SOBP: variants seen among roughly 807,000 people sequenced by gnomAD.
SOBP encodes sine oculis binding protein homolog, also known as sine oculis-binding protein homolog.
Under a neutral mutation model 53.6 loss-of-function variants are expected in SOBP, and 4 were observed. The ratio of observed to expected loss-of-function variants is 0.07; its 90% CI spans 0.04 to 0.17. The LOEUF is 0.17. Ranked by LOEUF, SOBP falls within the 10% of genes least tolerant of loss-of-function variation. The pLI, the probability that SOBP is intolerant of heterozygous loss-of-function variation, is 1.00. For missense variants in SOBP, 1,088 were observed against 1,204.7 expected (o/e 0.90, Z 1.43); for synonymous variants, 584 against 522.6 (o/e 1.12, Z -1.60).
At chr6:107,644,231 G>A (rs2115168132) in intron 6 of SOBP, among the ~76,000 whole-genome samples, 1 of 151,770 alleles carries the variant, frequency 6.6e-6, no homozygotes, top group Non-Finnish European at 1.5e-5. Context: ...TTGAACCTGA[G>A]AGACAGAGGT....
At chr6:107,555,949 A>G (rs1379196957) in intron 4 of SOBP, among the ~76,000 whole-genome samples, 1 of 152,236 alleles carries the variant, frequency 6.6e-6, no homozygotes, top group Non-Finnish European at 1.5e-5. Context: ...CAAATTTACA[A>G]AACATCAGAC....
At position 107,490,682 on chromosome 6, in the gene SOBP, A is replaced by T. The variant is rs535660723; in HGVS notation, c.66A>T (p.Pro22=). 15 of 1,607,844 alleles carry T rather than the reference A, an allele frequency of 9.3e-6. No homozygotes were observed. In the South Asian group the frequency reaches 1.6e-4, roughly 17 times the overall value. ...AACGGAGCAGGAAGCCGGCTCACCC[A>T]GTGAAAAGGGAGATCAATGAGGAGA... ...ENKRSRKPAH[P]VKREINEEMK... is the part of the protein sequence containing the mutation. Residue 22 remains proline, a synonymous_variant, in exon 1 of 7, where the codon CCA becomes CCT. Transcript: ENST00000317357.
intron 5 of SOBP, among the ~76,000 whole-genome samples, chr6:107,592,885 A>G (rs974704058): frequency 1.3e-5 from 2 of 152,228 alleles, no homozygotes; most frequent in Non-Finnish European, 2.9e-5. Flanking sequence ...CTTTCCAGAA[A>G]TAAAAGTCAC....
chr6:107,602,386 A>C (rs947169485), intron 5 of SOBP, among the ~76,000 whole-genome samples: 8 of 152,150 alleles, frequency 5.3e-5, no homozygotes, highest in Non-Finnish European at 1.0e-4. Context: ...GCTTTATTTG[A>C]ACTCAAATAG....
At chr6:107,497,975 G>T (rs1490642386) in intron 1 of SOBP, among the ~76,000 whole-genome samples, 2 of 152,082 alleles carry the variant, frequency 1.3e-5, no homozygotes, top group Non-Finnish European at 1.5e-5. Context: ...TAGCATGAGG[G>T]TGCTTACTAA....
intron 5 of SOBP, among the ~76,000 whole-genome samples, chr6:107,626,865 C>T (rs1770483233): frequency 6.6e-6 from 1 of 152,144 alleles, no homozygotes; most frequent in Non-Finnish European, 1.5e-5. Flanking sequence ...CAGCTGAGCA[C>T]TGAGGCTCAG....
At chr6:107,595,107 T>C (rs1785897261) in intron 5 of SOBP, among the ~76,000 whole-genome samples, 1 of 152,232 alleles carries the variant, frequency 6.6e-6, no homozygotes, top group African/African-American at 2.4e-5. Context: ...GGTAGAATTC[T>C]GAAGCCAGAA....
At chr6:107,515,640 T>C (rs1297154184) in intron 3 of SOBP, among the ~76,000 whole-genome samples, 1 of 152,120 alleles carries the variant, frequency 6.6e-6, no homozygotes, top group Admixed American at 6.5e-5. Context: ...TCCCAGATAC[T>C]TGGGAGGCTG....
chr6:107,491,395 GC>G (rs2114928360), intron 1 of SOBP, among the ~76,000 whole-genome samples: 1 of 152,368 alleles, frequency 6.6e-6, no homozygotes, highest in East Asian at 1.9e-4. Flanking sequence ...TGTCTGAGGG[GC>G]GGCCTTTGCA....
intron 1 of SOBP, among the ~76,000 whole-genome samples, chr6:107,502,436 T>C (rs1782867845): frequency 2.0e-5 from 3 of 152,226 alleles, no homozygotes; most frequent in Non-Finnish European, 4.4e-5. Context: ...CACAGAGTCT[T>C]ACATCTTGTT....
chr6:107,635,255 C>G lies in SOBP; in HGVS notation c.2411C>G (p.Pro804Arg). 1 of 1,613,890 alleles carries G rather than the reference C, an allele frequency of 6.2e-7. No homozygotes were observed. The highest frequency in any genetic ancestry group is 8.5e-7 in the Non-Finnish European group (1 of 1,180,000). Residue 804 changes from proline (P) to arginine (R), a missense_variant, in exon 6 of 7, where the codon CCG becomes CGG. Pro to Arg is a moderately radical substitution (Grantham distance 103). Around this residue, in one of 6 missense-constraint regions of SOBP, gnomAD observed 665 missense variants for 629.7 expected, o/e 1.06. Transcript: ENST00000317357. This position sits in a 1 kb window ranked among gnomAD's most constrained non-coding sequence, Gnocchi z 4.5. ...EALAGGDKSD[P>R]NLNNPADEDH... ...CTGGCGGGGGGCGACAAGTCAGACCCGAACCTTAATAACCCCGCGGACGAG... is the reference window on the plus strand; with the variant it reads ...CTGGCGGGGGGCGACAAGTCAGACCGGAACCTTAATAACCCCGCGGACGAG...
chr6:107,572,367 G>A (rs150036105), intron 4 of SOBP, among the ~76,000 whole-genome samples: 5,547 of 150,580 alleles, frequency 0.037, 348 homozygotes, highest in African/African-American at 0.13. Context: ...GCAGTGGTGC[G>A]ATCTCAGCTC....
chr6:107,506,985 G>A (rs191873987), intron 3 of SOBP, among the ~76,000 whole-genome samples: 34 of 151,674 alleles, frequency 2.2e-4, no homozygotes, highest in African/African-American at 7.3e-4. Flanking sequence ...AGGATCACTT[G>A]AACCTGGGAG....
intron 4 of SOBP, among the ~76,000 whole-genome samples, chr6:107,584,273 AC>A (rs1418783522): frequency 6.7e-6 from 1 of 149,916 alleles, no homozygotes; most frequent in Non-Finnish European, 1.5e-5. Context: ...AAAAAAAAAC[AC>A]CCCAGATGAT....
At chr6:107,640,709 A>C (rs879324626) in intron 6 of SOBP, among the ~76,000 whole-genome samples, 3 of 152,186 alleles carry the variant, frequency 2.0e-5, no homozygotes, top group Non-Finnish European at 2.9e-5. Context: ...CAACTTTTAT[A>C]TATGATGTCA....
intron 1 of SOBP, among the ~76,000 whole-genome samples, chr6:107,498,397 C>G (rs539114615): frequency 5.9e-5 from 9 of 152,132 alleles, no homozygotes; most frequent in Non-Finnish European, 1.2e-4. Flanking sequence ...GTTTTAAAAT[C>G]TACTTGTTGT....
chr6:107,547,758 C>T (rs6901330), intron 4 of SOBP, among the ~76,000 whole-genome samples: 54,320 of 151,954 alleles, frequency 0.36, 12,380 homozygotes, highest in East Asian at 0.86. Context: ...CATTAATCCA[C>T]GGAGGCAGCC....
At chr6:107,615,000 C>T (rs1008797855) in intron 5 of SOBP, among the ~76,000 whole-genome samples, 4 of 152,206 alleles carry the variant, frequency 2.6e-5, no homozygotes, top group African/African-American at 9.7e-5. Flanking sequence ...GTGTACTGCT[C>T]TGACCTACTG....
intron 5 of SOBP, among the ~76,000 whole-genome samples, chr6:107,606,912 C>A (rs1398898986): frequency 6.6e-6 from 1 of 152,212 alleles, no homozygotes; most frequent in East Asian, 1.9e-4. Context: ...ATCACCACCC[C>A]CATCCCTTGA....
Sources: gnomAD v4.1 joint callset for allele counts (sites outside exome capture counted in the v4.1 genomes callset) on GRCh38, gnomAD v4.1.1 for gene constraint, gnomAD v4.1.1 regional missense constraint, Gnocchi (gnomAD v3.1) non-coding constraint, MANE v1.5 for transcripts, NCBI Gene and HGNC (gene_info 2026-07-23, HGNC 2026-07-21) for gene names.